The following SNTG1 variants were observed in gnomAD, a reference collection of about 807,000 sequenced individuals.
SNTG1 encodes the protein syntrophin gamma 1, also known as gamma-1-syntrophin.
SNTG1 carries 39 observed loss-of-function variants against 74.7 expected under a neutral mutation model. That is an observed-to-expected ratio of 0.52 (90% CI 0.40 to 0.68). The LOEUF is 0.68. Ranked by LOEUF, SNTG1 falls within the 30% of genes least tolerant of loss-of-function variation. The pLI, the probability that SNTG1 is intolerant of heterozygous loss-of-function variation, is 0.00. For synonymous variants in SNTG1, 254 were observed against 217.1 expected, an observed-to-expected ratio of 1.17 and a Z score of -1.49; for missense variants, 685 against 609.5, an observed-to-expected ratio of 1.12 and a Z score of -1.30.
Position 50,781,737 on chromosome 8 carries a change from T to A in SNTG1, c.1396-10934T>A, listed in dbSNP as rs1467031585. Among the ~76,000 whole-genome samples, 4 of 152,190 alleles carry A rather than the reference T, an allele frequency of 2.6e-5. No individual in the cohort carries two copies. In the East Asian group the frequency reaches 7.7e-4, roughly 29 times the overall value. ...TTAATATTGTTCTGTGTGAATTTGATCCTGTCATTATGATGTTAGCTGGTT... is the reference window on the plus strand; with the variant it reads ...TTAATATTGTTCTGTGTGAATTTGAACCTGTCATTATGATGTTAGCTGGTT... On this transcript the variant is annotated intron_variant, in intron 18 of 18. Coordinates refer to ENST00000642720, the MANE Select transcript of SNTG1 (RefSeq NM_018967.5).
At chr8:50,146,505 T>A (rs2081872351) in intron 1 of SNTG1, among the ~76,000 whole-genome samples, 1 of 151,826 alleles carries the variant, frequency 6.6e-6, no homozygotes, top group African/African-American at 2.4e-5. Flanking sequence ...GCAACAAAAG[T>A]GAAACTCAGT....
chr8:50,782,841 A>G (rs999332732), intron 18 of SNTG1, among the ~76,000 whole-genome samples: 3 of 151,842 alleles, frequency 2.0e-5, no homozygotes, highest in Non-Finnish European at 4.4e-5. Flanking sequence ...GGTTTTGTCT[A>G]CTTTTGGTCT....
chr8:49,925,708 T>A (rs1222502106), intron 1 of SNTG1, among the ~76,000 whole-genome samples: 1 of 152,212 alleles, frequency 6.6e-6, no homozygotes, highest in African/African-American at 2.4e-5. Flanking sequence ...GCATTTGAGA[T>A]CCATTTTTTG....
chr8:50,404,243 A>G (rs1207659189), intron 4 of SNTG1, among the ~76,000 whole-genome samples: 1 of 152,162 alleles, frequency 6.6e-6, no homozygotes, highest in Non-Finnish European at 1.5e-5. Context: ...TCTACCCTGA[A>G]AACTACAAAA....
At chr8:49,990,341 C>T (rs1032188720) in intron 1 of SNTG1, among the ~76,000 whole-genome samples, 8 of 151,990 alleles carry the variant, frequency 5.3e-5, no homozygotes, top group Middle Eastern at 6.8e-3. Context: ...GATGGCAACA[C>T]GTCCCATATT....
chr8:50,104,259 G>C (rs1237848543), intron 1 of SNTG1, among the ~76,000 whole-genome samples: 1 of 152,172 alleles, frequency 6.6e-6, no homozygotes, highest in Non-Finnish European at 1.5e-5. Context: ...AGTCTATTCA[G>C]AGATTCAACT....
At chr8:50,123,708 A>C (rs1199643526) in intron 1 of SNTG1, among the ~76,000 whole-genome samples, 1 of 142,190 alleles carries the variant, frequency 7.0e-6, no homozygotes, top group Non-Finnish European at 1.6e-5. Context: ...CTACTGGGAA[A>C]GGGTGACATT....
intron 2 of SNTG1, among the ~76,000 whole-genome samples, chr8:50,324,847 C>T (rs904144237): frequency 6.6e-6 from 1 of 150,574 alleles, no homozygotes; most frequent in Admixed American, 6.6e-5. Context: ...TTTAGATTGT[C>T]TTCTGTTATT....
chr8:50,514,188 A>C (rs2467205), intron 9 of SNTG1, among the ~76,000 whole-genome samples: 41,886 of 151,770 alleles, frequency 0.28, 7,386 homozygotes, highest in African/African-American at 0.5. Flanking sequence ...TCTATACTGT[A>C]TTTCTTTTTT....
At chr8:50,688,100 GTTGT>G (rs1180575138) in intron 15 of SNTG1, among the ~76,000 whole-genome samples, 1 of 152,088 alleles carries the variant, frequency 6.6e-6, no homozygotes, top group African/African-American at 2.4e-5. Flanking sequence ...TTTTGATGGG[GTTGT>G]TTGTTTTTTT....
At chr8:50,318,127 A>C (rs182115389) in intron 2 of SNTG1, among the ~76,000 whole-genome samples, 19 of 151,954 alleles carry the variant, frequency 1.3e-4, no homozygotes, top group South Asian at 2.1e-4. Flanking sequence ...TGAGCCACCG[A>C]GCCCAGCCAC....
chr8:50,378,655 G>A (rs569776589), intron 2 of SNTG1, among the ~76,000 whole-genome samples: 1 of 152,088 alleles, frequency 6.6e-6, no homozygotes, highest in Non-Finnish European at 1.5e-5. Context: ...TCTTAGCAGA[G>A]AAGGTAGCTC....
chr8:50,195,573 C>A (rs776079081), intron 2 of SNTG1, among the ~76,000 whole-genome samples: 1 of 152,160 alleles, frequency 6.6e-6, no homozygotes, highest in Non-Finnish European at 1.5e-5. Context: ...TTATGCCAGG[C>A]AAGAATGGCC....
At chr8:50,266,397 G>T (rs1049039451) in intron 2 of SNTG1, among the ~76,000 whole-genome samples, 3 of 151,876 alleles carry the variant, frequency 2.0e-5, no homozygotes, top group Admixed American at 2.0e-4. Flanking sequence ...AATGAATGAA[G>T]TTGGATCATG....
chr8:50,673,658 T>C (rs540191451), intron 15 of SNTG1, among the ~76,000 whole-genome samples: 1 of 152,292 alleles, frequency 6.6e-6, no homozygotes, highest in African/African-American at 2.4e-5. Context: ...CCTATCTGAA[T>C]ACGCTTTATT....
At chr8:50,297,143 G>A (rs1429677633) in intron 2 of SNTG1, among the ~76,000 whole-genome samples, 1 of 152,104 alleles carries the variant, frequency 6.6e-6, no homozygotes, top group Non-Finnish European at 1.5e-5. Context: ...TTTGACCAAT[G>A]AGTCATGATT....
intron 1 of SNTG1, among the ~76,000 whole-genome samples, chr8:49,956,434 G>A (rs1488686167): frequency 6.6e-6 from 1 of 152,204 alleles, no homozygotes; most frequent in Admixed American, 6.5e-5. Flanking sequence ...CTCAGTGTGT[G>A]TTAAAACTAA....
At chr8:49,963,849 C>T (rs894743203) in intron 1 of SNTG1, among the ~76,000 whole-genome samples, 10 of 152,154 alleles carry the variant, frequency 6.6e-5, no homozygotes, top group African/African-American at 1.9e-4. Flanking sequence ...TATGATAAAA[C>T]GTGTTTGTAA....
At chr8:49,931,936 T>A (rs533098394) in intron 1 of SNTG1, among the ~76,000 whole-genome samples, 55 of 152,350 alleles carry the variant, frequency 3.6e-4, no homozygotes, top group Non-Finnish European at 6.9e-4. Context: ...TCTGGCGATA[T>A]TCACTATCTT....
Sources: gnomAD v4.1 joint callset for allele counts (sites outside exome capture counted in the v4.1 genomes callset) on GRCh38, gnomAD v4.1.1 for gene constraint, MANE v1.5 for transcripts, NCBI Gene and HGNC (gene_info 2026-07-23, HGNC 2026-07-21) for gene names.